Variants in FLNB observed in about 807,000 individuals in gnomAD.
The protein encoded by FLNB is filamin B.
FLNB carries 111 observed loss-of-function variants against 250.6 expected under a neutral mutation model. The observed-to-expected ratio is 0.44, with a 90% confidence interval of 0.38 to 0.52. The LOEUF (loss-of-function observed/expected upper bound fraction) is 0.52. Among genes scored for constraint, FLNB ranks in the 20% least tolerant of loss-of-function variants. FLNB has a pLI of 0.00. For missense variants in FLNB, 2,869 were observed against 3,447.8 expected (o/e 0.83, Z 4.20); for synonymous variants, 1,302 against 1,372.1 (o/e 0.95, Z 1.13).
chr3:58,015,081 C>G (rs535257246), intron 1 of FLNB, among the ~76,000 whole-genome samples: 1 of 152,240 alleles, frequency 6.6e-6, no homozygotes, highest in East Asian at 1.9e-4. Flanking sequence ...TGGATGTAGC[C>G]TAGTGATTCA....
intron 3 of FLNB, among the ~76,000 whole-genome samples, chr3:58,080,626 C>T (rs1375553386): frequency 1.3e-5 from 2 of 151,524 alleles, no homozygotes; most frequent in Non-Finnish European, 2.9e-5. Context: ...TCCCGAGTAG[C>T]TGGGACTGCA....
Position 58,031,163 on chromosome 3 carries a change from C to T in FLNB, c.292+22307C>T, listed in dbSNP as rs537769386. ...AACTCTTTGTAGTGTTTTATTTCTT[C>T]AGTCCCATGGTGGTTATATGATTCT... On this transcript the variant is annotated intron_variant, in intron 1 of 45. Transcript: ENST00000295956. 3.9e-5 allele frequency among the ~76,000 whole-genome samples: 6 copies of T among 152,192 alleles called. No homozygotes were observed. The South Asian group carries it at 1.2e-3, about 32-fold the overall frequency.
chr3:58,148,626 C>T (rs2097339866), intron 35 of FLNB, 23 bp from the exon 36 acceptor site: 1 of 1,601,456 alleles, frequency 6.2e-7, no homozygotes. Flanking sequence ...CCCTTACAAG[C>T]CCCAATCTGT....
Position 58,025,352 on chromosome 3 carries a change from G to A in FLNB, c.292+16496G>A, listed in dbSNP as rs898719404. ...GCCATGTTTCCCAGGCTGGTCTTGAGCTCCTGGGCTCAAGTGATACTCCCT... is the reference window on the plus strand; with the variant it reads ...GCCATGTTTCCCAGGCTGGTCTTGAACTCCTGGGCTCAAGTGATACTCCCT... On this transcript the variant is annotated intron_variant, in intron 1 of 45. Transcript: ENST00000295956. 1.3e-5 allele frequency among the ~76,000 whole-genome samples: 2 copies of A among 151,734 alleles called. 1 individual carries two copies. The highest frequency in any genetic ancestry group is 4.1e-4 in the South Asian group (2 of 4,820).
intron 1 of FLNB, among the ~76,000 whole-genome samples, chr3:58,048,640 G>C (rs1189961330): frequency 6.6e-6 from 1 of 152,164 alleles, no homozygotes; most frequent in Non-Finnish European, 1.5e-5. Context: ...CTTTCTCCTA[G>C]TATAATGATT....
Position 58,154,822 on chromosome 3 carries a change from C to T in FLNB, c.6666C>T (p.Gly2222=), listed in dbSNP as rs144628013. 1.0e-4 allele frequency: 161 copies of T among 1,613,988 alleles called. No homozygotes were observed. Among genetic ancestry groups the T allele is most frequent in the Non-Finnish European group, 1.3e-4 (151 of 1,179,952 alleles). Residue 2222 remains glycine (G), a synonymous_variant, in exon 40 of 46, where the codon GGC becomes GGT. Coordinates refer to ENST00000295956, the MANE Select transcript of FLNB (RefSeq NM_001457.4). ...TCAGCATTTGGACCCGGGAAGCAGG[C>T]GCTGGAGGCCTCTCCATCGCTGTTG... ...AEFSIWTREA[G]AGGLSIAVEG... is the part of the protein sequence containing the mutation.
chr3:58,169,299 C>T lies in FLNB; in HGVS notation c.7418-291C>T, dbSNP rs2097376918. On this transcript the variant is annotated intron_variant, in intron 44 of 45. Coordinates refer to ENST00000295956, the MANE Select transcript of FLNB (RefSeq NM_001457.4). The surrounding 1 kb of genome is among the most constrained non-coding windows in gnomAD (Gnocchi z 4.8). Reference sequence around the variant, plus strand: ...TATGTCAATAGAAAGATGTGAATTCCACAGGCACATCTTTGGTGGGTAGGG... The same window carrying T: ...TATGTCAATAGAAAGATGTGAATTCTACAGGCACATCTTTGGTGGGTAGGG... 1 of 464,998 alleles carries T rather than the reference C, an allele frequency of 2.2e-6. No homozygotes were observed. Among genetic ancestry groups the T allele is most frequent in the Admixed American group, 3.4e-5 (1 of 29,090 alleles). The allele number at this position is 464,998 out of a possible 1,614,324, so 28.8% of individuals were successfully genotyped here. A position where few individuals can be genotyped will look rare whatever the true frequency, so the allele number is the denominator to read the frequency against.
intron 18 of FLNB, among the ~76,000 whole-genome samples, chr3:58,114,688 T>G (rs962720267): frequency 6.7e-6 from 1 of 148,820 alleles, no homozygotes; most frequent in Admixed American, 6.7e-5. Flanking sequence ...ACATCCTTGC[T>G]AACATTTGTT....
Position 58,121,287 on chromosome 3 carries a change from G to C in FLNB, c.2910G>C (p.Gly970=). 6.2e-7 allele frequency: 1 copy of C among 1,614,146 alleles called. No individual in the cohort carries two copies. The highest frequency in any genetic ancestry group is 8.5e-7 in the Non-Finnish European group (1 of 1,180,026). Reference sequence around the variant, plus strand: ...AGGAGTTCACCGTTGATACCAGGGGGGCAGGAGGCCAGGGGAAGCTGGACG... The same window carrying C: ...AGGAGTTCACCGTTGATACCAGGGGCGCAGGAGGCCAGGGGAAGCTGGACG... ...KDQEFTVDTR[G]AGGQGKLDVT... The change falls in exon 20 of 46, where the codon GGG becomes GGC. Residue 970 remains glycine, a synonymous_variant. Transcript: ENST00000295956.
In FLNB at chr3:58,170,662, A is replaced by G. The variant is rs377163032; in HGVS notation, c.7709A>G (p.Asn2570Ser). The change falls in exon 46 of 46, where the codon AAC becomes AGC. Residue 2570 changes from asparagine to serine, a missense_variant. Physicochemically the swap from Asn to Ser is conservative, Grantham distance 46. Coordinates refer to ENST00000295956, the MANE Select transcript of FLNB (RefSeq NM_001457.4). ...AAGCATGTAGGCAACCAGCAATACA[A>G]CGTCACATACGTCGTCAAGGAGAGG... The part of the protein sequence containing the change: ...SMKHVGNQQY[N>S]VTYVVKERGD... 42 of 1,613,950 alleles carry G rather than the reference A, an allele frequency of 2.6e-5. No individual in the cohort carries two copies. Among genetic ancestry groups the G allele is most frequent in the Non-Finnish European group, 3.1e-5 (36 of 1,180,018 alleles).
intron 1 of FLNB, among the ~76,000 whole-genome samples, chr3:58,072,374 T>C (rs1310359737): frequency 6.6e-6 from 1 of 152,216 alleles, no homozygotes; most frequent in Non-Finnish European, 1.5e-5. Flanking sequence ...AGTCTTCACA[T>C]GGAATCCTGC....
At position 58,148,261 on chromosome 3, in the gene FLNB, C is replaced by T. The variant is rs866717445; in HGVS notation, c.5784C>T (p.Leu1928=). ...TGGGCTCAGCCGCTGACTTCCTGCT[C>T]GACATCAGTGAGACTGACCTCAGCA... The part of the protein sequence containing the change: ...VKLGSAADFL[L]DISETDLSSL... Residue 1928 remains leucine, a synonymous_variant, in exon 35 of 46, where the codon CTC becomes CTT. Transcript: ENST00000295956. 11 of 1,614,022 alleles carry T rather than the reference C, an allele frequency of 6.8e-6. No individual in the cohort carries two copies. The highest frequency in any genetic ancestry group is 1.1e-5 in the South Asian group (1 of 91,076).
At chr3:58,055,153 G>T (rs1409745566) in intron 1 of FLNB, among the ~76,000 whole-genome samples, 1 of 152,048 alleles carries the variant, frequency 6.6e-6, no homozygotes, top group Non-Finnish European at 1.5e-5. Context: ...TGTAATCCCA[G>T]CTACTTGGGT....
intron 1 of FLNB, among the ~76,000 whole-genome samples, chr3:58,047,496 G>A (rs572270653): frequency 6.6e-6 from 1 of 151,868 alleles, no homozygotes; most frequent in African/African-American, 2.4e-5. Context: ...ACCTTCCCCA[G>A]AGCCTCCAAT....
At chr3:58,103,264 G>GT (rs2097253940) in intron 9 of FLNB, among the ~76,000 whole-genome samples, 1 of 101,552 alleles carries the variant, frequency 9.8e-6, no homozygotes, top group Admixed American at 1.1e-4. Context: ...GAGCCAAGGA[G>GT]GGTGTGTGTG....
chr3:58,146,576 G>A, intron 33 of FLNB: 2 of 523,172 alleles, frequency 3.8e-6, no homozygotes, highest in Admixed American at 3.1e-5. Flanking sequence ...CATCCTGAGA[G>A]TAGAGAGAGC....
At chr3:58,149,522 G>A (rs1301209131) in intron 36 of FLNB, 5 of 403,536 alleles carry the variant, frequency 1.2e-5, no homozygotes, top group East Asian at 5.6e-5. Context: ...CCCCCAAGGT[G>A]GTACGTGCAG....
At chr3:58,080,749 C>T (rs1160217710) in intron 3 of FLNB, among the ~76,000 whole-genome samples, 2 of 150,850 alleles carry the variant, frequency 1.3e-5, no homozygotes, top group African/African-American at 4.9e-5. Context: ...ACCTCGGCCT[C>T]CCAAAGTGCT....
At chr3:58,135,797 G>A (rs1352695306) in intron 27 of FLNB, among the ~76,000 whole-genome samples, 182 bp from the exon 28 acceptor site, 1 of 152,178 alleles carries the variant, frequency 6.6e-6, no homozygotes, top group Non-Finnish European at 1.5e-5. Context: ...CTGTCATGGT[G>A]TTAAAGGGAT....
Sources: gnomAD v4.1 joint callset for allele counts (sites outside exome capture counted in the v4.1 genomes callset) on GRCh38, gnomAD v4.1.1 for gene constraint, Gnocchi (gnomAD v3.1) non-coding constraint, MANE v1.5 for transcripts, NCBI Gene and HGNC (gene_info 2026-07-23, HGNC 2026-07-21) for gene names.